CD28: variants seen among roughly 807,000 people sequenced by gnomAD.
CD28 encodes the protein T-cell-specific surface glycoprotein CD28.
In CD28, 8 loss-of-function variants were observed where a neutral mutation model predicts 21.4. That is an observed-to-expected ratio of 0.37 (90% confidence interval 0.22 to 0.68). CD28 has a LOEUF of 0.68. Ranked by LOEUF, CD28 falls within the 30% of genes least tolerant of loss-of-function variation. The pLI is 0.55. For synonymous variants in CD28, 106 were observed against 104.0 expected (o/e 1.02, Z -0.12); for missense variants, 239 against 272.2 (o/e 0.88, Z 0.86).
rs113475423 is a variant in CD28, at chr2:203,736,530, A to G, written c.*1618A>G. The G allele has an allele frequency of 4.7e-4, 71 of 152,342 alleles. No homozygotes were observed. Among genetic ancestry groups the G allele is most frequent in the African/African-American group, 1.4e-3 (58 of 41,554 alleles). 9.4% of individuals were successfully genotyped at this position (152,342 alleles called of 1,614,324 possible). ...TTTTGAAGAGAGCATCAGAGTTCTT[A>G]AGGGACTGGGTAAGGCCTGACCCTG... On this transcript the variant is annotated 3_prime_UTR_variant, in exon 4 of 4. Transcript: ENST00000324106.
At chr2:203,711,761 T>C (rs1245093864) in intron 1 of CD28, among the ~76,000 whole-genome samples, 1 of 152,210 alleles carries the variant, frequency 6.6e-6, no homozygotes, top group African/African-American at 2.4e-5. Flanking sequence ...AAGATCCACC[T>C]CCTCGAAGAA....
intron 1 of CD28, among the ~76,000 whole-genome samples, chr2:203,719,219 G>GT (rs1367302754): frequency 6.6e-6 from 1 of 151,840 alleles, no homozygotes; most frequent in African/African-American, 2.4e-5. Context: ...GTGTGACCTT[G>GT]TTTGAAAAGT....
intron 1 of CD28, among the ~76,000 whole-genome samples, chr2:203,709,257 A>C (rs1473451145): frequency 6.6e-6 from 1 of 152,160 alleles, no homozygotes; most frequent in Non-Finnish European, 1.5e-5. Flanking sequence ...TAGGTCTGAG[A>C]AACCACTGTT....
chr2:203,734,672 T>C (rs1429051807), intron 3 of CD28, 112 bp from the exon 4 acceptor site: 6 of 1,308,448 alleles, frequency 4.6e-6, no homozygotes, highest in Non-Finnish European at 5.5e-6. Flanking sequence ...AAAAGGTTAG[T>C]GTTTTAGTGT....
intron 1 of CD28, among the ~76,000 whole-genome samples, chr2:203,708,925 G>A (rs185305045): frequency 1.2e-3 from 182 of 152,154 alleles, no homozygotes; most frequent in African/African-American, 3.5e-3. Context: ...TTGGAGACCC[G>A]TCGGGCTAAC....
At chr2:203,712,752 A>T (rs560754808) in intron 1 of CD28, among the ~76,000 whole-genome samples, 20 of 152,338 alleles carry the variant, frequency 1.3e-4, no homozygotes, top group Non-Finnish European at 2.8e-4. Context: ...GCCTTTATGG[A>T]GAGTTGGGAA....
intron 3 of CD28, among the ~76,000 whole-genome samples, chr2:203,730,137 T>G (rs1200353708): frequency 6.6e-6 from 1 of 152,206 alleles, no homozygotes; most frequent in East Asian, 1.9e-4. Context: ...CTTGGGAAGC[T>G]AGGCAACTGA....
chr2:203,733,067 C>A (rs1693938670), intron 3 of CD28, among the ~76,000 whole-genome samples: 1 of 152,116 alleles, frequency 6.6e-6, no homozygotes, highest in Non-Finnish European at 1.5e-5. Context: ...AAAATGCTTC[C>A]CAGGTTATCA....
intron 1 of CD28, among the ~76,000 whole-genome samples, chr2:203,711,938 C>G (rs1581499332): frequency 1.3e-5 from 2 of 152,060 alleles, no homozygotes; most frequent in African/African-American, 4.8e-5. Context: ...ACACCTGTAA[C>G]CCCAGCACTT....
In CD28 at chr2:203,709,929, T is replaced by A. The variant is rs1328111529; in HGVS notation, c.52+3181T>A. ...TTCTCCAGCGCCTTCCCTTAGCGCT[T>A]ATTTTTCTGAGAGAGGCATGGAAAG... is the stretch of plus-strand genomic sequence containing the variant. On this transcript the variant is annotated intron_variant, in intron 1 of 3. Transcript: ENST00000324106. 7.9e-5 allele frequency among the ~76,000 whole-genome samples: 12 copies of A among 152,228 alleles called. No individual in the cohort carries two copies. In the East Asian group the frequency reaches 2.3e-3, roughly 29 times the overall value.
In CD28 at chr2:203,711,072, G is replaced by A. The variant is rs1240704836; in HGVS notation, c.52+4324G>A. On this transcript the variant is annotated intron_variant, in intron 1 of 3. Transcript: ENST00000324106. ...AAGATATCTGTGTCTCTTTTACGGT[G>A]ATTTATTTGGCCGTTTTTGGCCAAT... Among the ~76,000 whole-genome samples, 3 of 152,264 alleles carry A rather than the reference G, an allele frequency of 2.0e-5. No individual in the cohort carries two copies. The East Asian group carries it at 5.8e-4, about 29-fold the overall frequency.
chr2:203,722,203 A>G (rs1693621560), intron 1 of CD28, among the ~76,000 whole-genome samples: 1 of 152,176 alleles, frequency 6.6e-6, no homozygotes, highest in Non-Finnish European at 1.5e-5. Context: ...ACAAATGCCT[A>G]ACCTGCACTC....
chr2:203,721,521 T>C (rs1443800526), intron 1 of CD28, among the ~76,000 whole-genome samples: 2 of 151,752 alleles, frequency 1.3e-5, no homozygotes, highest in Non-Finnish European at 1.5e-5. Context: ...CTCCCCACAG[T>C]CCCCTAACTC....
intron 1 of CD28, among the ~76,000 whole-genome samples, chr2:203,719,500 C>T (rs558948211): frequency 3.3e-5 from 5 of 152,262 alleles, no homozygotes; most frequent in African/African-American, 1.2e-4. Flanking sequence ...GATCTAGAAC[C>T]AATCACTGCA....
In CD28 at chr2:203,720,516, G is replaced by A. The variant is rs542028764; in HGVS notation, c.53-6117G>A. ...GATACCCAAGTAGCCTAAGAAGAAT[G>A]CCTTCCACTCCTAGCATGAACTGGA... is the stretch of plus-strand genomic sequence containing the variant. On this transcript the variant is annotated intron_variant, in intron 1 of 3. Transcript: ENST00000324106. Among the ~76,000 whole-genome samples the A allele has an allele frequency of 1.9e-4, 29 of 152,312 alleles. No homozygotes were observed. The East Asian group carries it at 4.6e-3, about 24-fold the overall frequency.
chr2:203,707,871 A>AT (rs1370864841), intron 1 of CD28, among the ~76,000 whole-genome samples: 2 of 152,190 alleles, frequency 1.3e-5, no homozygotes, highest in Non-Finnish European at 2.9e-5. Context: ...CCAGGGTTAA[A>AT]TTAACTTCGG....
intron 1 of CD28, 64 bp from the exon 2 acceptor site, chr2:203,726,569 G>A: frequency 1.7e-6 from 2 of 1,144,382 alleles, no homozygotes. Flanking sequence ...AATATATTTT[G>A]CTCTCAGGAA....
chr2:203,711,620 A>C (rs1236155376), intron 1 of CD28, among the ~76,000 whole-genome samples: 1 of 152,208 alleles, frequency 6.6e-6, no homozygotes, highest in Non-Finnish European at 1.5e-5. Context: ...GGTATCATTC[A>C]GAATTACTCA....
chr2:203,727,010 T>G, intron 2 of CD28, 21 bp downstream of exon 2: 1 of 1,413,438 alleles, frequency 7.1e-7, no homozygotes, highest in East Asian at 2.3e-5. Context: ...ACTTTACCAG[T>G]GTACCACCCT....
Sources: gnomAD v4.1 joint callset for allele counts (sites outside exome capture counted in the v4.1 genomes callset) on GRCh38, gnomAD v4.1.1 for gene constraint, MANE v1.5 for transcripts, NCBI Gene and HGNC (gene_info 2026-07-23, HGNC 2026-07-21) for gene names.